The following RBM38 variants were observed in gnomAD, a reference collection of about 807,000 sequenced individuals.
RBM38 encodes RNA binding motif protein 38.
In RBM38, 11 loss-of-function variants were observed where a neutral mutation model predicts 23.5. The observed-to-expected ratio is 0.47, with a 90% CI of 0.29 to 0.77. The LOEUF is 0.77. Among genes scored for constraint, RBM38 ranks in the 30% least tolerant of loss-of-function variants. The probability of loss-of-function intolerance (pLI) is 0.08; values close to 1 mark genes in which losing one functional copy is unlikely to be tolerated. For synonymous variants in RBM38, 165 were observed against 166.1 expected (o/e 0.99, Z 0.05); for missense variants, 330 against 351.9 (o/e 0.94, Z 0.50).
At chr20:57,400,591 C>CT (rs1169614496) in intron 3 of RBM38, among the ~76,000 whole-genome samples, 1 of 152,234 alleles carries the variant, frequency 6.6e-6, no homozygotes, top group Non-Finnish European at 1.5e-5. Flanking sequence ...AGCTAGGTGC[C>CT]TGTGCCCAGT....
At chr20:57,392,857 C>T in intron 2 of RBM38, 80 bp downstream of exon 2, 1 of 1,541,572 alleles carries the variant, frequency 6.5e-7, no homozygotes, top group Non-Finnish European at 8.8e-7. Flanking sequence ...AAAGAGGCCC[C>T]CCCTCCTCGC....
chr20:57,391,713 C>T lies in RBM38; in HGVS notation c.132C>T (p.His44=), dbSNP rs1487717384. The T allele has an allele frequency of 1.3e-6, 2 of 1,535,476 alleles. No individual in the cohort carries two copies. The highest frequency in any genetic ancestry group is 8.8e-7 in the Non-Finnish European group (1 of 1,139,710). The change falls in exon 1 of 4, where the codon CAC becomes CAT. Residue 44 remains histidine (H), a synonymous_variant. Coordinates refer to ENST00000356208, the MANE Select transcript of RBM38 (RefSeq NM_017495.6). ...TKIFVGGLPY[H]TTDASLRKYF... is the part of the protein sequence containing the mutation. ...TCTTCGTGGGCGGCCTGCCGTACCA[C>T]ACTACCGACGCCTCGCTCAGGAAGT...
chr20:57,392,484 G>A, intron 1 of RBM38, 170 bp from the exon 2 acceptor site: 2 of 1,534,378 alleles, frequency 1.3e-6, no homozygotes, highest in East Asian at 2.4e-5. Flanking sequence ...CTTTGTGGGA[G>A]AGCCCCAGGT....
rs974925627 is a variant in RBM38, at chr20:57,392,359, A to G, written c.238-295A>G. On this transcript the variant is annotated intron_variant, in intron 1 of 3. Transcript: ENST00000356208. ...GTGGGCAAGTCCAGGCGGCCCCCCA[A>G]GCTCCCTTCGGGGTTCATTTTTGCC... 5.6e-6 allele frequency: 8 copies of G among 1,436,568 alleles called. No individual in the cohort carries two copies. In the South Asian group the frequency reaches 7.3e-5, roughly 13 times the overall value. 89.0% of individuals were successfully genotyped at this position (1,436,568 alleles called of 1,614,324 possible). A position where few individuals can be genotyped will look rare whatever the true frequency, so the allele number is the denominator to read the frequency against.
At chr20:57,400,302 G>T (rs2067314660) in intron 3 of RBM38, among the ~76,000 whole-genome samples, 1 of 152,180 alleles carries the variant, frequency 6.6e-6, no homozygotes, top group African/African-American at 2.4e-5. Flanking sequence ...GTGTGTTGGG[G>T]TGCAAATGCT....
chr20:57,395,034 G>T (rs980975165), intron 3 of RBM38, among the ~76,000 whole-genome samples: 4 of 152,236 alleles, frequency 2.6e-5, no homozygotes, highest in Non-Finnish European at 5.9e-5. Flanking sequence ...TGTCTTGGCA[G>T]TGGCATCCTC....
At chr20:57,397,126 C>T (rs1469925174) in intron 3 of RBM38, among the ~76,000 whole-genome samples, 3 of 152,226 alleles carry the variant, frequency 2.0e-5, no homozygotes, top group Non-Finnish European at 4.4e-5. Context: ...AGGCTCCTCC[C>T]CATCTGTGAG....
chr20:57,407,983 G>A lies in RBM38; in HGVS notation c.*137G>A, dbSNP rs1211795025. ...CACCCGTGCCTCCGAAGACCGCTCG[G>A]GCATTCCGCCTGCGCCCTGGGACAG... On this transcript the variant is annotated 3_prime_UTR_variant, in exon 4 of 4. Transcript: ENST00000356208. The surrounding 1 kb of genome is among the most constrained non-coding windows in gnomAD (Gnocchi z 4.0). 9.1e-7 allele frequency: 1 copy of A among 1,097,540 alleles called. No individual in the cohort carries two copies. Among genetic ancestry groups the A allele is most frequent in the Non-Finnish European group, 1.3e-6 (1 of 783,516 alleles). The allele number at this position is 1,097,540 out of a possible 1,614,324, so 68.0% of individuals were successfully genotyped here.
At chr20:57,395,888 C>T (rs773565151) in intron 3 of RBM38, among the ~76,000 whole-genome samples, 4 of 152,230 alleles carry the variant, frequency 2.6e-5, no homozygotes, top group Non-Finnish European at 5.9e-5. Context: ...GGGCTGGCAG[C>T]GACTTGCTGT....
chr20:57,405,678 T>C (rs1600758766), intron 3 of RBM38, among the ~76,000 whole-genome samples: 1 of 152,218 alleles, frequency 6.6e-6, no homozygotes, highest in South Asian at 2.1e-4. Flanking sequence ...GCTGTAGGGC[T>C]GCAGGATCCA....
chr20:57,400,307 A>C (rs575678136), intron 3 of RBM38, among the ~76,000 whole-genome samples: 34 of 151,994 alleles, frequency 2.2e-4, no homozygotes, highest in African/African-American at 7.7e-4. Context: ...TTGGGGTGCA[A>C]ATGCTGCCTG....
Position 57,408,044 on chromosome 20 carries a change from G to C in RBM38, c.*198G>C. On this transcript the variant is annotated 3_prime_UTR_variant, in exon 4 of 4. Coordinates refer to ENST00000356208, the MANE Select transcript of RBM38 (RefSeq NM_017495.6). Reference sequence around the variant, plus strand: ...GCTTCTCTTTAATCTAGGTCCCATTGTGTCTTGAGGGAGGACTTTAAGAAT... The same window carrying C: ...GCTTCTCTTTAATCTAGGTCCCATTCTGTCTTGAGGGAGGACTTTAAGAAT... 1.6e-6 allele frequency: 1 copy of C among 643,994 alleles called. No individual in the cohort carries two copies. The highest frequency in any genetic ancestry group is 1.9e-5 in the South Asian group (1 of 51,292). The allele number at this position is 643,994 out of a possible 1,614,324, so 39.9% of individuals were successfully genotyped here.
intron 3 of RBM38, among the ~76,000 whole-genome samples, chr20:57,404,959 A>G (rs2067366131): frequency 2.0e-5 from 3 of 152,182 alleles, no homozygotes; most frequent in African/African-American, 7.2e-5. Flanking sequence ...GGCCGCCCCC[A>G]TGGTGGAGGT....
At chr20:57,398,567 C>T (rs1342613300) in intron 3 of RBM38, among the ~76,000 whole-genome samples, 2 of 152,218 alleles carry the variant, frequency 1.3e-5, no homozygotes, top group Non-Finnish European at 2.9e-5. Flanking sequence ...CCCCACAAGG[C>T]TTCCTGTTTG....
chr20:57,407,708 C>G lies in RBM38; in HGVS notation c.582C>G (p.Ala194=). ...PATYDQYPYA[A]SPATAASFVG... ...CCTATGACCAGTACCCATACGCCGC[C>G]TCGCCTGCCACGGCTGCCAGCTTCG... is the stretch of plus-strand genomic sequence containing the variant. Residue 194 remains alanine, a synonymous_variant, in exon 4 of 4, where the codon GCC becomes GCG. Coordinates refer to ENST00000356208, the MANE Select transcript of RBM38 (RefSeq NM_017495.6). The surrounding 1 kb of genome is among the most constrained non-coding windows in gnomAD (Gnocchi z 4.0). 1 of 1,612,116 alleles carries G rather than the reference C, an allele frequency of 6.2e-7. No homozygotes were observed. The highest frequency in any genetic ancestry group is 1.7e-4 in the Middle Eastern group (1 of 6,058).
rs539093833 is a variant in RBM38, at chr20:57,404,665, G to A, written c.417-2878G>A. 6.6e-5 allele frequency among the ~76,000 whole-genome samples: 10 copies of A among 152,356 alleles called. No individual in the cohort carries two copies. In the South Asian group the frequency reaches 1.9e-3, roughly 28 times the overall value. ...CGGGCCTTTGTTCCGTCAGCACCAT[G>A]TGCCCAGTGCCTCCTACAGGCCTGG... On this transcript the variant is annotated intron_variant, in intron 3 of 3. Coordinates refer to ENST00000356208, the MANE Select transcript of RBM38 (RefSeq NM_017495.6).
chr20:57,392,805 T>C (rs749346538), intron 2 of RBM38, 28 bp downstream of exon 2: 2 of 1,607,532 alleles, frequency 1.2e-6, no homozygotes, highest in Non-Finnish European at 1.7e-6. Flanking sequence ...CCTGCCTGGC[T>C]CTTCTCGGTT....
chr20:57,406,249 C>T (rs1331042051), intron 3 of RBM38, among the ~76,000 whole-genome samples: 1 of 152,212 alleles, frequency 6.6e-6, no homozygotes, highest in Non-Finnish European at 1.5e-5. Flanking sequence ...GTTGGCAGAG[C>T]AGGCACACGC....
chr20:57,400,842 A>G (rs920521447), intron 3 of RBM38, among the ~76,000 whole-genome samples: 1 of 152,086 alleles, frequency 6.6e-6, no homozygotes, highest in African/African-American at 2.4e-5. Context: ...CTTGGAAGGA[A>G]ACTGGAAGGG....
Sources: allele counts gnomAD v4.1 joint callset (sites outside exome capture counted in the v4.1 genomes callset), GRCh38; gene constraint gnomAD v4.1.1; non-coding constraint Gnocchi (gnomAD v3.1); transcripts MANE v1.5; gene names NCBI Gene and HGNC (gene_info 2026-07-23, HGNC 2026-07-21).